The following ARFIP1 variants were observed in gnomAD, a reference collection of about 807,000 sequenced individuals.
ARFIP1 encodes the protein arfaptin-1.
ARFIP1 carries 24 observed loss-of-function variants against 42.5 expected under a neutral mutation model. That is an observed-to-expected ratio of 0.57 (90% CI 0.41 to 0.80). ARFIP1 has a LOEUF of 0.80. Among genes scored for constraint, ARFIP1 ranks in the 30% least tolerant of loss-of-function variants. ARFIP1 has a pLI of 0.00. For synonymous variants in ARFIP1, 141 were observed against 153.7 expected, an observed-to-expected ratio of 0.92 and a Z score of 0.61; for missense variants, 354 against 434.0, an observed-to-expected ratio of 0.82 and a Z score of 1.64.
At chr4:152,814,104 T>C (rs1296603640) in intron 1 of ARFIP1, among the ~76,000 whole-genome samples, 35 of 150,824 alleles carry the variant, frequency 2.3e-4, no homozygotes, top group Admixed American at 1.3e-3. Flanking sequence ...CTTCTTTTTT[T>C]TTTTTTTTTT....
At chr4:152,823,322 T>TA (rs915377533) in intron 1 of ARFIP1, among the ~76,000 whole-genome samples, 16 of 126,752 alleles carry the variant, frequency 1.3e-4, no homozygotes, top group African/African-American at 3.8e-4. Flanking sequence ...CCTGGAATCA[T>TA]ACAACCCCTC....
At chr4:152,815,738 C>CTTTTTTT (rs1218298842) in intron 1 of ARFIP1, among the ~76,000 whole-genome samples, 5 of 85,544 alleles carry the variant, frequency 5.8e-5, no homozygotes, top group African/African-American at 8.8e-5. Context: ...CTGACCACTT[C>CTTTTTTT]TTTTTTTTTT....
intron 1 of ARFIP1, among the ~76,000 whole-genome samples, chr4:152,800,836 G>A (rs141912813): frequency 8.5e-5 from 13 of 152,226 alleles, no homozygotes; most frequent in African/African-American, 2.2e-4. Flanking sequence ...TTCCTTTAGC[G>A]TGGTACAAGT....
chr4:152,869,354 T>G (rs963366388), intron 3 of ARFIP1, among the ~76,000 whole-genome samples: 1 of 152,202 alleles, frequency 6.6e-6, no homozygotes, highest in Non-Finnish European at 1.5e-5. Context: ...GGAAGGACTT[T>G]AATATTTTTT....
At chr4:152,866,783 G>A (rs1480838890) in intron 3 of ARFIP1, among the ~76,000 whole-genome samples, 1 of 151,808 alleles carries the variant, frequency 6.6e-6, no homozygotes, top group African/African-American at 2.4e-5. Flanking sequence ...TCTCAGACGG[G>A]GCTGCTGGGC....
At position 152,881,031 on chromosome 4, in the gene ARFIP1, T is replaced by C; in HGVS notation, c.480T>C (p.Ala160=). 1 of 1,613,918 alleles carries C rather than the reference T, an allele frequency of 6.2e-7. No homozygotes were observed. Among genetic ancestry groups the C allele is most frequent in the Non-Finnish European group, 8.5e-7 (1 of 1,179,874 alleles). The stretch of plus-strand genomic sequence containing the variant: ...GAACTGTGGACCTTGAACTTGAAGC[T>C]CAGATTGATATATTAAGGGATAACA... The part of the protein sequence containing the change: ...GSRTVDLELE[A]QIDILRDNKK... The change falls in exon 6 of 9, where the codon GCT becomes GCC. Residue 160 remains alanine (A), a synonymous_variant. Transcript: ENST00000353617.
At chr4:152,806,555 T>A (rs1265503288) in intron 1 of ARFIP1, among the ~76,000 whole-genome samples, 1 of 152,210 alleles carries the variant, frequency 6.6e-6, no homozygotes, top group Non-Finnish European at 1.5e-5. Flanking sequence ...ATAAGTGTAC[T>A]CATTTAAAAT....
intron 1 of ARFIP1, among the ~76,000 whole-genome samples, chr4:152,788,801 C>CTT (rs138189664): frequency 1.2e-4 from 14 of 113,410 alleles, no homozygotes; most frequent in Non-Finnish European, 1.8e-4. Flanking sequence ...TCCCCAATGT[C>CTT]TTTTTTTTTT....
rs540999584 is a variant in ARFIP1 at position 152,907,190 on chromosome 4, T to A, written c.967-2874T>A. Among the ~76,000 whole-genome samples the A allele has an allele frequency of 3.3e-5, 5 of 152,340 alleles. No individual in the cohort carries two copies. In the South Asian group the frequency reaches 1.0e-3, roughly 32 times the overall value. Reference sequence around the variant, plus strand: ...AACCCCTAGAGAAGTGCCTGACACATAACAGTATGACCCTGTGTAATATTT... The same window carrying A: ...AACCCCTAGAGAAGTGCCTGACACAAAACAGTATGACCCTGTGTAATATTT... On this transcript the variant is annotated intron_variant, in intron 8 of 8. Coordinates refer to ENST00000353617, the MANE Select transcript of ARFIP1 (RefSeq NM_001025595.3).
chr4:152,797,318 A>G (rs1731526283), intron 1 of ARFIP1, among the ~76,000 whole-genome samples: 1 of 152,218 alleles, frequency 6.6e-6, no homozygotes, highest in Non-Finnish European at 1.5e-5. Flanking sequence ...TTTAAATTCC[A>G]CTGGCCTATT....
At chr4:152,891,864 T>A (rs1322993977) in intron 8 of ARFIP1, among the ~76,000 whole-genome samples, 1 of 151,932 alleles carries the variant, frequency 6.6e-6, no homozygotes, top group Non-Finnish European at 1.5e-5. Flanking sequence ...CGTGCCATCA[T>A]GCCCAGTTAA....
At chr4:152,903,806 T>C (rs1738049782) in intron 8 of ARFIP1, among the ~76,000 whole-genome samples, 1 of 152,108 alleles carries the variant, frequency 6.6e-6, no homozygotes, top group African/African-American at 2.4e-5. Flanking sequence ...CTTCCTCAGC[T>C]ACAAAAGGAG....
chr4:152,819,650 C>T (rs1327395704), intron 1 of ARFIP1, among the ~76,000 whole-genome samples: 2 of 152,244 alleles, frequency 1.3e-5, no homozygotes, highest in Non-Finnish European at 1.5e-5. Flanking sequence ...GGGAGTACCC[C>T]GTGGGACAAA....
intron 1 of ARFIP1, among the ~76,000 whole-genome samples, chr4:152,827,222 A>G (rs1476913779): frequency 6.6e-6 from 1 of 152,220 alleles, no homozygotes; most frequent in Non-Finnish European, 1.5e-5. Flanking sequence ...ATAAGGTCAT[A>G]ATTTAGAAGC....
At chr4:152,883,507 C>T (rs1736017032) in intron 7 of ARFIP1, among the ~76,000 whole-genome samples, 1 of 151,798 alleles carries the variant, frequency 6.6e-6, no homozygotes, top group South Asian at 2.1e-4. Context: ...GCCTTCAAAC[C>T]CTTTCAAATT....
At chr4:152,841,723 C>T (rs1732092429) in intron 2 of ARFIP1, among the ~76,000 whole-genome samples, 1 of 152,166 alleles carries the variant, frequency 6.6e-6, no homozygotes, top group Non-Finnish European at 1.5e-5. Flanking sequence ...GGCCCCAATC[C>T]ATTCTAGCTT....
chr4:152,882,113 C>T (rs779135307), intron 6 of ARFIP1, among the ~76,000 whole-genome samples: 15 of 152,102 alleles, frequency 9.9e-5, no homozygotes, highest in Non-Finnish European at 1.9e-4. Flanking sequence ...CTGAAGGAGT[C>T]ATGTGTAATG....
intron 1 of ARFIP1, among the ~76,000 whole-genome samples, chr4:152,792,255 T>A (rs1280723889): frequency 6.6e-6 from 1 of 151,876 alleles, no homozygotes; most frequent in Non-Finnish European, 1.5e-5. Flanking sequence ...TTTTCAAACT[T>A]TTTTTTACTA....
intron 1 of ARFIP1, among the ~76,000 whole-genome samples, chr4:152,783,513 A>G (rs1730623414): frequency 6.6e-6 from 1 of 152,200 alleles, no homozygotes; most frequent in Non-Finnish European, 1.5e-5. Flanking sequence ...AGGTGAAGAA[A>G]ATAAAGCTGA....
Sources: allele counts gnomAD v4.1 joint callset (sites outside exome capture counted in the v4.1 genomes callset), GRCh38; gene constraint gnomAD v4.1.1; transcripts MANE v1.5; gene names NCBI Gene and HGNC (gene_info 2026-07-23, HGNC 2026-07-21).